The following VPS13B variants were observed in gnomAD, a reference collection of about 807,000 sequenced individuals.
VPS13B encodes the protein vacuolar protein sorting 13 homolog B, also known as intermembrane lipid transfer protein VPS13B.
In VPS13B, 285 loss-of-function variants were observed where a neutral mutation model predicts 426.4. The ratio of observed to expected loss-of-function variants is 0.67; its 90% CI spans 0.61 to 0.74. VPS13B has a LOEUF of 0.74. Ranked by LOEUF, VPS13B falls within the 30% of genes least tolerant of loss-of-function variation. The probability of loss-of-function intolerance (pLI) is 0.00; values close to 1 mark genes in which losing one functional copy is unlikely to be tolerated. For synonymous variants in VPS13B, 1,676 were observed against 1,676.4 expected, an observed-to-expected ratio of 1.00 and a Z score of 0.01; for missense variants, 4,537 against 4,782.6, an observed-to-expected ratio of 0.95 and a Z score of 1.51.
At chr8:99,271,193 C>CT (rs1563638987) in intron 17 of VPS13B, among the ~76,000 whole-genome samples, 6 of 136,086 alleles carry the variant, frequency 4.4e-5, no homozygotes, top group African/African-American at 1.4e-4. Context: ...GCTGCTACCA[C>CT]TAACTACTAC....
chr8:99,754,092 T>G (rs1810525344), intron 39 of VPS13B, among the ~76,000 whole-genome samples: 1 of 151,542 alleles, frequency 6.6e-6, no homozygotes, highest in South Asian at 2.1e-4. Context: ...AGGGTTTTTT[T>G]TTTTTTTTTT....
At chr8:99,240,470 C>A (rs1816864142) in intron 17 of VPS13B, among the ~76,000 whole-genome samples, 2 of 152,086 alleles carry the variant, frequency 1.3e-5, no homozygotes, top group South Asian at 4.1e-4. Context: ...CTTGAAATGG[C>A]AAGTTCATCT....
At chr8:99,273,856 ATT>A (rs986592198) in intron 17 of VPS13B, among the ~76,000 whole-genome samples, 5 of 152,200 alleles carry the variant, frequency 3.3e-5, no homozygotes, top group African/African-American at 1.2e-4. Context: ...TATAAGTTAA[ATT>A]TGTTTCAAAA....
At chr8:99,078,077 A>AT (rs958447998) in intron 3 of VPS13B, among the ~76,000 whole-genome samples, 10 of 150,224 alleles carry the variant, frequency 6.7e-5, no homozygotes, top group South Asian at 2.1e-4. Flanking sequence ...TGATTCATGA[A>AT]TTTTTTTTTA....
At chr8:99,687,354 G>T (rs1831458214) in intron 35 of VPS13B, among the ~76,000 whole-genome samples, 1 of 152,144 alleles carries the variant, frequency 6.6e-6, no homozygotes, top group African/African-American at 2.4e-5. Flanking sequence ...TGTCTGACTG[G>T]ATTGCATGCC....
intron 3 of VPS13B, among the ~76,000 whole-genome samples, chr8:99,042,293 A>G (rs1208459282): frequency 1.3e-5 from 2 of 152,160 alleles, no homozygotes; most frequent in African/African-American, 4.8e-5. Context: ...ACTTCTTTTA[A>G]AATCATTTTT....
rs1461633832 is a variant in VPS13B at position 99,577,493 on chromosome 8, A to G, written c.5080A>G (p.Ile1694Val). The G allele has an allele frequency of 6.2e-7, 1 of 1,613,682 alleles. No homozygotes were observed. The highest frequency in any genetic ancestry group is 8.5e-7 in the Non-Finnish European group (1 of 1,179,692). Residue 1694 changes from isoleucine (I) to valine (V), a missense_variant, in exon 33 of 62, where the codon ATT becomes GTT. Physicochemically the swap from Ile to Val is conservative, Grantham distance 29. Around this residue, in one of 2 missense-constraint regions of VPS13B, gnomAD observed 4,311 missense variants for 4,474.3 expected, o/e 0.96. Coordinates refer to ENST00000357162, the MANE Select transcript of VPS13B (RefSeq NM_152564.5). Reference protein sequence around the residue: ...VSPENLHTEEILVCGHSLEVN... With the variant: ...VSPENLHTEEVLVCGHSLEVN... ...TATTCTACCGTTTTTGCTTCAGGAG[A>G]TTTTAGTGTGTGGCCATTCCTTAGA...
At chr8:99,778,092 C>T (rs1010645053) in intron 41 of VPS13B, among the ~76,000 whole-genome samples, 8 of 151,802 alleles carry the variant, frequency 5.3e-5, no homozygotes, top group African/African-American at 1.7e-4. Context: ...ATTAGCTGGG[C>T]GTGGTGGCAG....
At chr8:99,672,839 G>A (rs991686983) in intron 35 of VPS13B, among the ~76,000 whole-genome samples, 1 of 151,876 alleles carries the variant, frequency 6.6e-6, no homozygotes, top group African/African-American at 2.4e-5. Flanking sequence ...TTTTTTGAGA[G>A]TTCTTATCAC....
chr8:99,284,327 G>A (rs1409622717), intron 19 of VPS13B, among the ~76,000 whole-genome samples: 1 of 151,830 alleles, frequency 6.6e-6, no homozygotes, highest in Non-Finnish European at 1.5e-5. Flanking sequence ...TACTTTTTTA[G>A]CATAATCATT....
chr8:99,536,543 G>A (rs1000509333), intron 30 of VPS13B: 2 of 435,790 alleles, frequency 4.6e-6, no homozygotes, highest in South Asian at 1.8e-5. Flanking sequence ...ATACATATGT[G>A]TGTGGCATTT....
intron 59 of VPS13B, among the ~76,000 whole-genome samples, chr8:99,869,076 T>C (rs1817257313): frequency 1.3e-5 from 2 of 152,350 alleles, no homozygotes; most frequent in Non-Finnish European, 2.9e-5. Flanking sequence ...GAGTAATGGG[T>C]GCCTGTGAAA....
chr8:99,842,675 T>C (rs1412174521), intron 54 of VPS13B, among the ~76,000 whole-genome samples: 2 of 152,212 alleles, frequency 1.3e-5, no homozygotes, highest in Non-Finnish European at 2.9e-5. Flanking sequence ...ATTAATTTAC[T>C]TAGTAAAATT....
At chr8:99,519,200 T>G (rs180821580) in intron 29 of VPS13B, among the ~76,000 whole-genome samples, 1 of 152,140 alleles carries the variant, frequency 6.6e-6, no homozygotes, top group Non-Finnish European at 1.5e-5. Context: ...TAAATTTGTT[T>G]GAGTTCTTCA....
At chr8:99,767,792 G>T (rs1312634255) in intron 40 of VPS13B, among the ~76,000 whole-genome samples, 1 of 152,116 alleles carries the variant, frequency 6.6e-6, no homozygotes, top group African/African-American at 2.4e-5. Flanking sequence ...GCTGAGCATG[G>T]TGGCACACAC....
At chr8:99,451,498 C>T (rs983777617) in intron 23 of VPS13B, among the ~76,000 whole-genome samples, 2 of 152,066 alleles carry the variant, frequency 1.3e-5, no homozygotes, top group African/African-American at 4.8e-5. Context: ...GTATTGCTGG[C>T]TATTGATATC....
chr8:99,496,998 G>C (rs1200041436), intron 25 of VPS13B, among the ~76,000 whole-genome samples: 1 of 149,408 alleles, frequency 6.7e-6, no homozygotes, highest in African/African-American at 2.5e-5. Flanking sequence ...CAGTAGTATA[G>C]GAAGTAATTT....
chr8:99,142,951 A>G (rs1309551080), intron 12 of VPS13B, 23 bp from the exon 13 acceptor site: 1 of 1,600,568 alleles, frequency 6.2e-7, no homozygotes, highest in South Asian at 1.1e-5. Flanking sequence ...GATGCTTAAA[A>G]TATAAAATTT....
At chr8:99,014,033 A>G (rs1841460179) in intron 2 of VPS13B, 98 bp downstream of exon 2, 1 of 1,546,750 alleles carries the variant, frequency 6.5e-7, no homozygotes, top group Non-Finnish European at 8.9e-7. Context: ...GTAAAAACGT[A>G]ACTTTTCTAC....
Sources: allele counts gnomAD v4.1 joint callset (sites outside exome capture counted in the v4.1 genomes callset), GRCh38; gene constraint gnomAD v4.1.1; regional missense constraint gnomAD v4.1.1; transcripts MANE v1.5; gene names NCBI Gene and HGNC (gene_info 2026-07-23, HGNC 2026-07-21).